Variants in ABHD10 observed in about 807,000 individuals in gnomAD.
ABHD10 encodes the protein palmitoyl-protein thioesterase ABHD10, mitochondrial.
In ABHD10, 22 loss-of-function variants were observed where a neutral mutation model predicts 33.1. The ratio of observed to expected loss-of-function variants is 0.66; its 90% CI spans 0.47 to 0.95. ABHD10 has a LOEUF of 0.95. Ranked by LOEUF, ABHD10 falls within the 40% of genes least tolerant of loss-of-function variation. ABHD10 has a pLI of 0.00. For missense variants in ABHD10, 352 were observed against 379.9 expected (o/e 0.93, Z 0.61); for synonymous variants, 146 against 133.9 (o/e 1.09, Z -0.62).
chr3:111,984,177 C>G (rs888446545), intron 2 of ABHD10, among the ~76,000 whole-genome samples: 1 of 152,082 alleles, frequency 6.6e-6, no homozygotes, highest in Non-Finnish European at 1.5e-5. Context: ...CCCCTTCTAC[C>G]CATCTCTTAC....
In ABHD10 at chr3:111,987,043, C is replaced by G. The variant is rs775113333; in HGVS notation, c.568C>G (p.Pro190Ala). 2 of 1,612,204 alleles carry G rather than the reference C, an allele frequency of 1.2e-6. No individual in the cohort carries two copies. The highest frequency in any genetic ancestry group is 2.2e-5 in the South Asian group (2 of 90,708). Residue 190 changes from proline to alanine, a missense_variant, in exon 4 of 5, where the codon CCT becomes GCT. By Grantham distance (27) the Pro-to-Ala change is conservative. Transcript: ENST00000273359. ...CTTAGTGACAAAGTTTAATCAGCTT[C>G]CTGTTGAGGTAAGTCAAAAGTCACT... ...DTLVTKFNQL[P>A]VELKKEVEMK...
At chr3:111,982,123 G>T (rs764427396) in intron 2 of ABHD10, 156 bp downstream of exon 2, 27 of 651,196 alleles carry the variant, frequency 4.1e-5, no homozygotes, top group Non-Finnish European at 6.0e-5. Flanking sequence ...AATTTTAAAA[G>T]CAACCTTTAA....
At chr3:111,983,538 C>G (rs2072613074) in intron 2 of ABHD10, among the ~76,000 whole-genome samples, 1 of 145,284 alleles carries the variant, frequency 6.9e-6, no homozygotes, top group African/African-American at 2.6e-5. Flanking sequence ...TTTATTTGCT[C>G]TTATCAAAGT....
chr3:111,983,660 T>A (rs1303130827), intron 2 of ABHD10, among the ~76,000 whole-genome samples: 1 of 152,162 alleles, frequency 6.6e-6, no homozygotes, highest in Non-Finnish European at 1.5e-5. Flanking sequence ...GCTGTAAAAT[T>A]TAGATCTTCA....
Position 111,981,945 on chromosome 3 carries a change from T to C in ABHD10, c.304T>C (p.Ser102Pro). 6.4e-7 allele frequency: 1 copy of C among 1,568,134 alleles called. No individual in the cohort carries two copies. The highest frequency in any genetic ancestry group is 1.2e-5 in the South Asian group (1 of 84,854). The change falls in exon 2 of 5, where the codon TCT becomes CCT. Residue 102 changes from serine (S) to proline (P), a missense_variant. Transcript: ENST00000273359. ...KALAIEEFCK[S>P]LGHACIRFDY... ...GTTGGCGATTGAGGAGTTTTGCAAA[T>C]CTCTAGGTCACGCCTGCATAAGGTA...
chr3:111,990,860 A>G (rs1201610136), intron 4 of ABHD10: 2 of 492,650 alleles, frequency 4.1e-6, no homozygotes, highest in Non-Finnish European at 6.4e-6. Context: ...GCTACTTATA[A>G]GCACTTTTAG....
At chr3:111,984,943 C>T (rs774438596) in intron 2 of ABHD10, among the ~76,000 whole-genome samples, 21 of 152,130 alleles carry the variant, frequency 1.4e-4, no homozygotes, top group Non-Finnish European at 1.5e-4. Flanking sequence ...GAAAAACAAA[C>T]GAATAAAACA....
At chr3:111,984,645 CA>C (rs1218282666) in intron 2 of ABHD10, among the ~76,000 whole-genome samples, 1 of 151,644 alleles carries the variant, frequency 6.6e-6, no homozygotes, top group Non-Finnish European at 1.5e-5. Context: ...TATAATGGTT[CA>C]AAAAAACAGG....
chr3:111,980,939 C>G (rs777353047), intron 1 of ABHD10, among the ~76,000 whole-genome samples: 1 of 152,064 alleles, frequency 6.6e-6, no homozygotes, highest in Non-Finnish European at 1.5e-5. Flanking sequence ...ATAAAAAGGG[C>G]ACAGCACGTC....
rs865830714 is a variant in ABHD10, at chr3:111,986,356, A to G, written c.419A>G (p.Asp140Gly). Residue 140 changes from aspartate to glycine, a missense_variant, in exon 3 of 5, where the codon GAC becomes GGC. Coordinates refer to ENST00000273359, the MANE Select transcript of ABHD10 (RefSeq NM_018394.4). Reference sequence around the variant, plus strand: ...AAAGATGTTCTTTCTATAATTGATGACTTAGCTGATGGGCCACAGGTGACT... The same window carrying G: ...AAAGATGTTCTTTCTATAATTGATGGCTTAGCTGATGGGCCACAGGTGACT... ...WRKDVLSIID[D>G]LADGPQILVG... 1 of 1,613,212 alleles carries G rather than the reference A, an allele frequency of 6.2e-7. No individual in the cohort carries two copies. Among genetic ancestry groups the G allele is most frequent in the African/African-American group, 1.3e-5 (1 of 75,030 alleles).
At chr3:111,986,027 G>A (rs2072653605) in intron 2 of ABHD10, among the ~76,000 whole-genome samples, 1 of 152,206 alleles carries the variant, frequency 6.6e-6, no homozygotes, top group Admixed American at 6.5e-5. Context: ...ATTGCATTCA[G>A]TTAGGTTGAG....
intron 1 of ABHD10, among the ~76,000 whole-genome samples, chr3:111,979,537 T>C (rs146797586): frequency 6.6e-6 from 1 of 152,256 alleles, no homozygotes; most frequent in African/African-American, 2.4e-5. Flanking sequence ...ATTAGTTACT[T>C]CTAGGAATTT....
rs773177649 is a variant in ABHD10, at chr3:111,991,392, G to A, written c.592G>A (p.Glu198Lys). Residue 198 changes from glutamate (E) to lysine (K), a missense_variant, in exon 5 of 5, where the codon GAG becomes AAG. Glu to Lys is a moderately conservative substitution (Grantham distance 56). Transcript: ENST00000273359. ...TTTCCAATAGCTAAAAAAGGAAGTA[G>A]AGATGAAAGGTGTGTGGAGCATGCC... ...QLPVELKKEV[E>K]MKGVWSMPSK... 5 of 1,599,886 alleles carry A rather than the reference G, an allele frequency of 3.1e-6. No individual in the cohort carries two copies. The highest frequency in any genetic ancestry group is 1.1e-5 in the South Asian group (1 of 87,378).
At chr3:111,985,405 A>G (rs2072643280) in intron 2 of ABHD10, among the ~76,000 whole-genome samples, 1 of 152,318 alleles carries the variant, frequency 6.6e-6, no homozygotes. Context: ...GATGAATTTT[A>G]TTCTGGTCTC....
intron 4 of ABHD10, 56 bp from the exon 5 acceptor site, chr3:111,991,321 G>A: frequency 1.4e-6 from 2 of 1,445,404 alleles, no homozygotes; most frequent in South Asian, 2.5e-5. Context: ...ACTATTGCAT[G>A]TGTTAATGTT....
chr3:111,981,769 G>T lies in ABHD10; in HGVS notation c.143-15G>T, dbSNP rs1170580859. The T allele has an allele frequency of 1.3e-6, 2 of 1,514,874 alleles. No individual in the cohort carries two copies. Among genetic ancestry groups the T allele is most frequent in the Admixed American group, 1.9e-5 (1 of 52,746 alleles). The allele number at this position is 1,514,874 out of a possible 1,614,324, so 93.8% of individuals were successfully genotyped here. On this transcript the variant is annotated splice_polypyrimidine_tract_variant and intron_variant, in intron 1 of 4. Transcript: ENST00000273359. ...GTTTACAAACCATAGTTTACTTTTT[G>T]TGTACTTTGTTTAGCTTGTAGACAA...
chr3:111,980,677 T>C (rs1470258610), intron 1 of ABHD10, among the ~76,000 whole-genome samples: 1 of 152,204 alleles, frequency 6.6e-6, no homozygotes, highest in African/African-American at 2.4e-5. Context: ...AGTTCACCAA[T>C]TGTACTGTTG....
chr3:111,991,734 A>G lies in ABHD10; in HGVS notation c.*13A>G, dbSNP rs766688999. The G allele has an allele frequency of 1.3e-6, 2 of 1,586,974 alleles. No homozygotes were observed. Among genetic ancestry groups the G allele is most frequent in the Non-Finnish European group, 1.7e-6 (2 of 1,159,386 alleles). ...TATAGTTAACTAGTATCACATGTTTAGTTGGTATGTAAACTAATGTATCCA... is the reference window on the plus strand; with the variant it reads ...TATAGTTAACTAGTATCACATGTTTGGTTGGTATGTAAACTAATGTATCCA... On this transcript the variant is annotated 3_prime_UTR_variant, in exon 5 of 5. Coordinates refer to ENST00000273359, the MANE Select transcript of ABHD10 (RefSeq NM_018394.4).
At chr3:111,981,189 G>A (rs1487264755) in intron 1 of ABHD10, among the ~76,000 whole-genome samples, 2 of 151,758 alleles carry the variant, frequency 1.3e-5, no homozygotes, top group African/African-American at 2.4e-5. Context: ...GTGTAGTGCA[G>A]CTACTGGGGA....
Sources: allele counts gnomAD v4.1 joint callset (sites outside exome capture counted in the v4.1 genomes callset), GRCh38; gene constraint gnomAD v4.1.1; transcripts MANE v1.5; gene names NCBI Gene and HGNC (gene_info 2026-07-23, HGNC 2026-07-21).